Variants in PPP4R4 observed in about 807,000 individuals in gnomAD.
PPP4R4 encodes protein phosphatase 4 regulatory subunit 4.
Under a neutral mutation model 121.8 loss-of-function variants are expected in PPP4R4, and 70 were observed. The ratio of observed to expected loss-of-function variants is 0.57; its 90% confidence interval spans 0.47 to 0.70. The LOEUF is 0.70. Among genes scored for constraint, PPP4R4 ranks in the 30% least tolerant of loss-of-function variants. The probability of loss-of-function intolerance (pLI) is 0.00; values close to 1 mark genes in which losing one functional copy is unlikely to be tolerated. For missense variants in PPP4R4, 875 were observed against 1,033.6 expected, an observed-to-expected ratio of 0.85 and a Z score of 2.10; for synonymous variants, 348 against 355.7, an observed-to-expected ratio of 0.98 and a Z score of 0.24.
intron 8 of PPP4R4, among the ~76,000 whole-genome samples, chr14:94,238,086 G>T (rs1228632607): frequency 6.6e-6 from 1 of 152,224 alleles, no homozygotes; most frequent in Non-Finnish European, 1.5e-5. Flanking sequence ...AGCTGACTTT[G>T]TAACAACCTG....
At chr14:94,181,900 T>A (rs1405832913) in intron 2 of PPP4R4, among the ~76,000 whole-genome samples, 4 of 152,230 alleles carry the variant, frequency 2.6e-5, no homozygotes, top group African/African-American at 9.6e-5. Context: ...TAAACTAGTT[T>A]GAGAACATAC....
At position 94,174,362 on chromosome 14, in the gene PPP4R4, G is replaced by T; in HGVS notation, c.-104G>T. ...TGGCAGCCTCACGCTCGGCTCCAGC[G>T]GCCAAGAGCCGGAGAAAGTCCTGCT... On this transcript the variant is annotated 5_prime_UTR_variant, in exon 1 of 25. Transcript: ENST00000304338. 3 of 1,053,088 alleles carry T rather than the reference G, an allele frequency of 2.8e-6. No homozygotes were observed. Among genetic ancestry groups the T allele is most frequent in the Non-Finnish European group, 1.2e-6 (1 of 816,434 alleles). 65.2% of individuals were successfully genotyped at this position (1,053,088 alleles called of 1,614,324 possible).
intron 7 of PPP4R4, 149 bp downstream of exon 7, chr14:94,234,818 C>T (rs1016612550): frequency 1.1e-5 from 7 of 637,420 alleles, no homozygotes; most frequent in East Asian, 3.1e-5. Flanking sequence ...TGGTGGTAGG[C>T]GTTTGATTAA....
At chr14:94,221,458 G>A (rs1471174913) in intron 3 of PPP4R4, among the ~76,000 whole-genome samples, 1 of 152,042 alleles carries the variant, frequency 6.6e-6, no homozygotes, top group Admixed American at 6.5e-5. Flanking sequence ...GATGACAAAG[G>A]ACTGTGTTCA....
chr14:94,208,602 T>C, intron 3 of PPP4R4, 36 bp downstream of exon 3: 1 of 1,512,826 alleles, frequency 6.6e-7, no homozygotes, highest in Non-Finnish European at 9.1e-7. Context: ...AGTTTCCCAT[T>C]TTTTCCCAGT....
intron 16 of PPP4R4, 21 bp from the exon 17 acceptor site, chr14:94,256,439 G>C: frequency 6.5e-7 from 1 of 1,547,484 alleles, no homozygotes; most frequent in Middle Eastern, 2.0e-4. Flanking sequence ...TCACTCAAGA[G>C]TAAATACTAT....
In PPP4R4 at chr14:94,267,042, C is replaced by A; in HGVS notation, c.2449+13C>A. ...CTTTCACTAGCTGGTAAGTAGCAAT[C>A]TAAGTTCTTCAAAAAGTTGCTAAAT... is the stretch of plus-strand genomic sequence containing the variant. On this transcript the variant is annotated intron_variant, in intron 23 of 24. Coordinates refer to ENST00000304338, the MANE Select transcript of PPP4R4 (RefSeq NM_058237.2). 1 of 1,548,822 alleles carries A rather than the reference C, an allele frequency of 6.5e-7. No homozygotes were observed.
intron 2 of PPP4R4, among the ~76,000 whole-genome samples, chr14:94,193,901 A>G (rs775741672): frequency 6.6e-5 from 10 of 152,184 alleles, no homozygotes; most frequent in Non-Finnish European, 1.5e-4. Flanking sequence ...TTTGCTAGGC[A>G]TTGGGGAATG....
chr14:94,219,431 G>T (rs1891265379), intron 3 of PPP4R4, among the ~76,000 whole-genome samples: 1 of 152,088 alleles, frequency 6.6e-6, no homozygotes, highest in South Asian at 2.1e-4. Flanking sequence ...ATGAATAAAT[G>T]AGCACTGGAA....
At chr14:94,231,438 G>A (rs1892029452) in intron 5 of PPP4R4, 123 bp downstream of exon 5, 10 of 672,126 alleles carry the variant, frequency 1.5e-5, no homozygotes, top group Middle Eastern at 3.4e-4. Flanking sequence ...TGTAACACGT[G>A]CACATTGGAG....
intron 2 of PPP4R4, among the ~76,000 whole-genome samples, chr14:94,204,109 C>T (rs1364866872): frequency 2.0e-5 from 3 of 151,976 alleles, no homozygotes; most frequent in Non-Finnish European, 4.4e-5. Flanking sequence ...TTTGTCTAGC[C>T]CTAGATCTAG....
At chr14:94,257,601 G>A (rs1893542282) in intron 17 of PPP4R4, among the ~76,000 whole-genome samples, 1 of 148,808 alleles carries the variant, frequency 6.7e-6, no homozygotes, top group South Asian at 2.2e-4. Flanking sequence ...TCATTAACTG[G>A]TATAACCAGA....
intron 14 of PPP4R4, among the ~76,000 whole-genome samples, chr14:94,249,335 G>A (rs1893061060): frequency 6.6e-6 from 1 of 151,790 alleles, no homozygotes; most frequent in Non-Finnish European, 1.5e-5. Context: ...AATTGTACCC[G>A]ATAGAATGTG....
At chr14:94,259,439 A>G in intron 19 of PPP4R4, 70 bp downstream of exon 19, 1 of 1,407,442 alleles carries the variant, frequency 7.1e-7, no homozygotes, top group Non-Finnish European at 9.3e-7. Flanking sequence ...TATTAAACTT[A>G]ATCATTTCTT....
At chr14:94,264,046 T>TAAAC (rs1893912356) in intron 19 of PPP4R4, among the ~76,000 whole-genome samples, 1 of 152,230 alleles carries the variant, frequency 6.6e-6, no homozygotes, top group African/African-American at 2.4e-5. Flanking sequence ...GGTAACGTTT[T>TAAAC]GTTTCATGAT....
At chr14:94,250,138 T>A (rs766754019) in intron 14 of PPP4R4, 34 bp from the exon 15 acceptor site, 1 of 1,373,446 alleles carries the variant, frequency 7.3e-7, no homozygotes, top group Non-Finnish European at 1.0e-6. Context: ...AGAATTAGCC[T>A]AGTGTAACTG....
intron 3 of PPP4R4, among the ~76,000 whole-genome samples, chr14:94,222,280 C>G (rs1222718166): frequency 6.6e-6 from 1 of 151,686 alleles, no homozygotes; most frequent in East Asian, 1.9e-4. Flanking sequence ...ATTTCACTTT[C>G]CCCCTCATCT....
In PPP4R4 at chr14:94,246,628, C is replaced by A. The variant is rs1397269465; in HGVS notation, c.1611+89C>A. ...TCTTCATATTTTCAAAATAGTAGAACAAACTCAGTTCATTCCATTCTACCT... is the reference window on the plus strand; with the variant it reads ...TCTTCATATTTTCAAAATAGTAGAAAAAACTCAGTTCATTCCATTCTACCT... On this transcript the variant is annotated intron_variant, in intron 14 of 24. Transcript: ENST00000304338. The A allele has an allele frequency of 5.6e-5, 76 of 1,359,418 alleles. No individual in the cohort carries two copies. The Admixed American group carries it at 1.6e-3, about 29-fold the overall frequency. The allele number at this position is 1,359,418 out of a possible 1,614,324, so 84.2% of individuals were successfully genotyped here.
At chr14:94,266,821 A>T in intron 22 of PPP4R4, 138 bp from the exon 23 acceptor site, 1 of 610,942 alleles carries the variant, frequency 1.6e-6, no homozygotes, top group Non-Finnish European at 2.8e-6. Flanking sequence ...ATATAAAAAA[A>T]ATGAGAAATA....
Sources: gnomAD v4.1 joint callset for allele counts (sites outside exome capture counted in the v4.1 genomes callset) on GRCh38, gnomAD v4.1.1 for gene constraint, MANE v1.5 for transcripts, NCBI Gene and HGNC (gene_info 2026-07-23, HGNC 2026-07-21) for gene names.